The following TRANK1 variants were observed in gnomAD, a reference collection of about 807,000 sequenced individuals.
TRANK1 encodes the protein TPR and ankyrin repeat-containing protein 1.
A neutral mutation model predicts 266.0 loss-of-function variants in TRANK1; 198 were observed. The ratio of observed to expected loss-of-function variants is 0.74; its 90% CI spans 0.66 to 0.84. The LOEUF is 0.84. Among genes scored for constraint, TRANK1 ranks in the 40% least tolerant of loss-of-function variants. The probability of loss-of-function intolerance (pLI) is 0.00; values close to 1 mark genes in which losing one functional copy is unlikely to be tolerated. For missense variants in TRANK1, 3,326 were observed against 3,634.6 expected, an observed-to-expected ratio of 0.92 and a Z score of 2.18; for synonymous variants, 1,396 against 1,384.1, an observed-to-expected ratio of 1.01 and a Z score of -0.19.
intron 4 of TRANK1, 126 bp downstream of exon 4, chr3:36,898,983 A>C (rs1401033859): frequency 1.9e-6 from 2 of 1,061,896 alleles, no homozygotes; most frequent in African/African-American, 3.2e-5. Flanking sequence ...AACTAGATTC[A>C]TTAAACTGCA....
chr3:36,890,735 T>G (rs1559456248), intron 7 of TRANK1, among the ~76,000 whole-genome samples: 1 of 152,074 alleles, frequency 6.6e-6, no homozygotes, highest in Non-Finnish European at 1.5e-5. Context: ...TTCCTTGGAG[T>G]TCCTGAGATC....
chr3:36,868,381 G>A (rs2079258401), intron 9 of TRANK1, among the ~76,000 whole-genome samples: 1 of 152,128 alleles, frequency 6.6e-6, no homozygotes, highest in African/African-American at 2.4e-5. Context: ...ATGACTTACT[G>A]TGTATATACA....
chr3:36,889,413 C>T (rs2079655297), intron 8 of TRANK1, among the ~76,000 whole-genome samples: 3 of 152,206 alleles, frequency 2.0e-5, no homozygotes, highest in Admixed American at 6.5e-5. Context: ...TGGGAAGATG[C>T]AATCCCTGTG....
chr3:36,872,510 CAAG>C (rs569411424), intron 9 of TRANK1, among the ~76,000 whole-genome samples: 121 of 152,140 alleles, frequency 8.0e-4, no homozygotes, highest in African/African-American at 2.7e-3. Context: ...AAATGCAATT[CAAG>C]AAGATGTGGC....
At position 36,838,605 on chromosome 3, in the gene TRANK1, A is replaced by T. The variant is rs1559418075; in HGVS notation, c.5384+8T>A. The T allele has an allele frequency of 1.2e-6, 2 of 1,613,766 alleles. No individual in the cohort carries two copies. The highest frequency in any genetic ancestry group is 1.1e-5 in the South Asian group (1 of 91,058). On this transcript the variant is annotated splice_region_variant and intron_variant, in intron 19 of 23. Coordinates refer to ENST00000645898, the MANE Select transcript of TRANK1 (RefSeq NM_001329998.2). ...GGAGCAAACCAGAAGTGATCCCAAGACTCTTACTTGGGGCTGACTTTCTTG... is the reference window on the plus strand; with the variant it reads ...GGAGCAAACCAGAAGTGATCCCAAGTCTCTTACTTGGGGCTGACTTTCTTG...
intron 13 of TRANK1, among the ~76,000 whole-genome samples, chr3:36,854,396 C>A (rs1245802188): frequency 6.6e-6 from 1 of 151,748 alleles, no homozygotes; most frequent in Admixed American, 6.6e-5. Flanking sequence ...GAAATCTCAA[C>A]AACATAACAT....
chr3:36,838,877 G>A (rs958542303), intron 18 of TRANK1, among the ~76,000 whole-genome samples, 161 bp from the exon 19 acceptor site: 1 of 152,242 alleles, frequency 6.6e-6, no homozygotes, highest in Non-Finnish European at 1.5e-5. Context: ...TCTAAAGAAA[G>A]TAGTCTTGGA....
chr3:36,829,152 C>G (rs577656480), intron 23 of TRANK1, among the ~76,000 whole-genome samples: 1 of 152,284 alleles, frequency 6.6e-6, no homozygotes, highest in Non-Finnish European at 1.5e-5. Flanking sequence ...TATCCCCAGG[C>G]GCAGAACAAC....
At chr3:36,851,213 CT>C in intron 15 of TRANK1, 1 of 985,978 alleles carries the variant, frequency 1.0e-6, no homozygotes, top group Non-Finnish European at 1.2e-6. Flanking sequence ...TGAAGCCATG[CT>C]AGAGGGGTCT....
intron 8 of TRANK1, among the ~76,000 whole-genome samples, chr3:36,887,063 T>C (rs1042086881): frequency 2.0e-5 from 3 of 152,066 alleles, no homozygotes; most frequent in Non-Finnish European, 2.9e-5. Flanking sequence ...CATGCTACTA[T>C]GCCACATGGA....
rs929161376 is a variant in TRANK1, at chr3:36,827,493, G to T, written c.*782C>A. 7.2e-5 allele frequency: 11 copies of T among 152,264 alleles called. No homozygotes were observed. The highest frequency in any genetic ancestry group is 2.1e-4 in the South Asian group (1 of 4,830). The allele number at this position is 152,264 out of a possible 1,614,324, so 9.4% of individuals were successfully genotyped here. ...TTGGAATGTCTGCACCATAGCCAAG[G>T]CAGAGTTAGGACCACTTTGGAGAGG... On this transcript the variant is annotated 3_prime_UTR_variant, in exon 24 of 24. Coordinates refer to ENST00000645898, the MANE Select transcript of TRANK1 (RefSeq NM_001329998.2).
chr3:36,827,974 C>A lies in TRANK1; in HGVS notation c.*301G>T, dbSNP rs533957062. ...GTCATGATGGGGATGAGCCAGACAC[C>A]CCAGGGACCATGCAGTGAGGAGTCC... On this transcript the variant is annotated 3_prime_UTR_variant, in exon 24 of 24. Coordinates refer to ENST00000645898, the MANE Select transcript of TRANK1 (RefSeq NM_001329998.2). The A allele has an allele frequency of 2.5e-5, 8 of 325,984 alleles. No individual in the cohort carries two copies. In the East Asian group the frequency reaches 5.5e-4, roughly 23 times the overall value. The allele number at this position is 325,984 out of a possible 1,614,324, so 20.2% of individuals were successfully genotyped here.
intron 23 of TRANK1, 37 bp downstream of exon 23, chr3:36,829,527 C>CA (rs1187056807): frequency 6.2e-7 from 1 of 1,609,606 alleles, no homozygotes; most frequent in African/African-American, 1.3e-5. Context: ...CCACAGGACC[C>CA]AAAGTGTTAC....
intron 18 of TRANK1, among the ~76,000 whole-genome samples, chr3:36,841,229 C>T (rs1256360313): frequency 6.6e-6 from 1 of 152,178 alleles, no homozygotes; most frequent in East Asian, 1.9e-4. Context: ...AACACTGTTG[C>T]AAAACATTTG....
chr3:36,849,425 A>G, intron 15 of TRANK1, among the ~76,000 whole-genome samples: 1 of 152,208 alleles, frequency 6.6e-6, no homozygotes, highest in Non-Finnish European at 1.5e-5. Flanking sequence ...GGCTCTGGTG[A>G]CCATGTGGTT....
chr3:36,870,058 A>T (rs2079283416), intron 9 of TRANK1, among the ~76,000 whole-genome samples: 1 of 152,242 alleles, frequency 6.6e-6, no homozygotes. Context: ...ATATAATTTC[A>T]TTCAAAGATC....
chr3:36,927,460 C>T lies in TRANK1; in HGVS notation c.23+17327G>A, dbSNP rs546343581. On this transcript the variant is annotated intron_variant, in intron 1 of 23. Coordinates refer to ENST00000645898, the MANE Select transcript of TRANK1 (RefSeq NM_001329998.2). ...CAATCTTCCTTCACCCAACTATCAC[C>T]AGACACCTGCAAGTTAGCTCACTGC... Among the ~76,000 whole-genome samples the T allele has an allele frequency of 2.5e-4, 38 of 152,306 alleles. 1 individual carries two copies. Among genetic ancestry groups the T allele is most frequent in the Admixed American group, 2.2e-3 (33 of 15,302 alleles).
upstream of TRANK1, among the ~76,000 whole-genome samples, chr3:36,945,395 A>G (rs1462121426): frequency 1.3e-5 from 2 of 152,124 alleles, no homozygotes; most frequent in East Asian, 3.9e-4. Flanking sequence ...CAAAGGACGT[A>G]CGGAGAACAA....
chr3:36,941,369 A>G (rs2080494183), intron 1 of TRANK1, among the ~76,000 whole-genome samples: 1 of 152,236 alleles, frequency 6.6e-6, no homozygotes, highest in Non-Finnish European at 1.5e-5. Context: ...CCAGGCTCAC[A>G]GGAGCTCACA....
Sources: allele counts gnomAD v4.1 joint callset (sites outside exome capture counted in the v4.1 genomes callset), GRCh38; gene constraint gnomAD v4.1.1; transcripts MANE v1.5; gene names NCBI Gene and HGNC (gene_info 2026-07-23, HGNC 2026-07-21).